MAP7: variants seen among roughly 807,000 people sequenced by gnomAD.
MAP7 encodes the protein ensconsin.
A neutral mutation model predicts 94.8 loss-of-function variants in MAP7; 52 were observed. The ratio of observed to expected loss-of-function variants is 0.55; its 90% CI spans 0.44 to 0.69. The LOEUF is 0.69. Ranked by LOEUF, MAP7 falls within the 30% of genes least tolerant of loss-of-function variation. The pLI, the probability that MAP7 is intolerant of heterozygous loss-of-function variation, is 0.00. For missense variants in MAP7, 940 were observed against 964.6 expected, an observed-to-expected ratio of 0.97 and a Z score of 0.34; for synonymous variants, 350 against 357.0, an observed-to-expected ratio of 0.98 and a Z score of 0.22.
At chr6:136,536,495 T>C (rs1828899836) in intron 1 of MAP7, among the ~76,000 whole-genome samples, 1 of 152,232 alleles carries the variant, frequency 6.6e-6, no homozygotes, top group African/African-American at 2.4e-5. Context: ...ACACCCCAAA[T>C]GACCATTTTG....
chr6:136,388,545 C>T, intron 4 of MAP7, 35 bp from the exon 5 acceptor site: 1 of 1,555,466 alleles, frequency 6.4e-7, no homozygotes, highest in Non-Finnish European at 8.9e-7. Flanking sequence ...GATTAGATTC[C>T]AGCTGGTTGT....
chr6:136,402,117 C>T lies in MAP7; in HGVS notation c.244+9503G>A, dbSNP rs894888133. ...CCTGGCAAACTTCTGTCTTTCAAGTCCTAGCTCAGAAGCTCCTTCCTCTGA... is the reference window on the plus strand; with the variant it reads ...CCTGGCAAACTTCTGTCTTTCAAGTTCTAGCTCAGAAGCTCCTTCCTCTGA... On this transcript the variant is annotated intron_variant, in intron 3 of 17. Coordinates refer to ENST00000354570, the MANE Select transcript of MAP7 (RefSeq NM_003980.6). Among the ~76,000 whole-genome samples, 5 of 152,166 alleles carry T rather than the reference C, an allele frequency of 3.3e-5. No homozygotes were observed. The East Asian group carries it at 7.7e-4, about 23-fold the overall frequency.
chr6:136,452,110 C>T (rs999386021), intron 1 of MAP7, among the ~76,000 whole-genome samples: 1 of 152,138 alleles, frequency 6.6e-6, no homozygotes, highest in African/African-American at 2.4e-5. Flanking sequence ...AGGAGAATCG[C>T]TTGAACCTGG....
chr6:136,379,450 C>T (rs2128627642), intron 6 of MAP7, among the ~76,000 whole-genome samples: 1 of 152,244 alleles, frequency 6.6e-6, no homozygotes, highest in Middle Eastern at 3.4e-3. Context: ...GCAATAGTTA[C>T]AATTAGAAAG....
At chr6:136,549,680 T>C (rs922050153) in intron 1 of MAP7, among the ~76,000 whole-genome samples, 4 of 152,168 alleles carry the variant, frequency 2.6e-5, no homozygotes, top group Admixed American at 2.6e-4. Context: ...CAAAAAACTC[T>C]GAGAACTCCG....
intron 7 of MAP7, among the ~76,000 whole-genome samples, chr6:136,374,024 C>T (rs908916188): frequency 7.9e-5 from 12 of 152,202 alleles, no homozygotes; most frequent in African/African-American, 4.8e-5. Context: ...TGCAGTGGCA[C>T]GATCTCATCT....
At chr6:136,518,866 TC>T (rs1262420509) in intron 1 of MAP7, among the ~76,000 whole-genome samples, 2 of 152,224 alleles carry the variant, frequency 1.3e-5, no homozygotes, top group Non-Finnish European at 2.9e-5. Flanking sequence ...TGTGTTTGGT[TC>T]CTATGATTGG....
At chr6:136,446,565 G>T (rs1411208538) in intron 1 of MAP7, among the ~76,000 whole-genome samples, 5 of 152,132 alleles carry the variant, frequency 3.3e-5, no homozygotes, top group African/African-American at 9.7e-5. Context: ...GGAGGTGCAG[G>T]GGGGCGCTGA....
At chr6:136,505,558 T>C (rs1330244769) in intron 1 of MAP7, among the ~76,000 whole-genome samples, 1 of 151,786 alleles carries the variant, frequency 6.6e-6, no homozygotes, top group East Asian at 1.9e-4. Context: ...CTGAGATTAT[T>C]TTCAAGTTAT....
intron 3 of MAP7, among the ~76,000 whole-genome samples, chr6:136,392,388 CT>C (rs11347286): frequency 0.74 from 75,697 of 102,592 alleles, 27,092 homozygotes; most frequent in Middle Eastern, 0.79. Context: ...CTGCATCTTG[CT>C]TTTTTTTTTT....
At chr6:136,438,281 C>A (rs927137007) in intron 1 of MAP7, among the ~76,000 whole-genome samples, 13 of 152,190 alleles carry the variant, frequency 8.5e-5, no homozygotes, top group African/African-American at 3.1e-4. Context: ...TTTCTATAGA[C>A]ACCTTGCAAA....
chr6:136,490,277 T>C (rs1331987022), intron 1 of MAP7, among the ~76,000 whole-genome samples: 1 of 152,224 alleles, frequency 6.6e-6, no homozygotes, highest in East Asian at 1.9e-4. Context: ...ATCTTAATAA[T>C]ATAATTTAGT....
At chr6:136,446,723 G>A (rs1799483858) in intron 1 of MAP7, among the ~76,000 whole-genome samples, 2 of 152,158 alleles carry the variant, frequency 1.3e-5, no homozygotes, top group Non-Finnish European at 2.9e-5. Context: ...GTAGTTGCAT[G>A]CCAGAAAATG....
chr6:136,510,575 C>T (rs1275776600), intron 1 of MAP7, among the ~76,000 whole-genome samples: 1 of 152,108 alleles, frequency 6.6e-6, no homozygotes, highest in Admixed American at 6.5e-5. Context: ...GGAGGATGAG[C>T]TCACACACGG....
At chr6:136,447,541 T>G (rs1799715474) in intron 1 of MAP7, among the ~76,000 whole-genome samples, 1 of 152,244 alleles carries the variant, frequency 6.6e-6, no homozygotes, top group Non-Finnish European at 1.5e-5. Flanking sequence ...TATCATAAAT[T>G]TTTTAAAAAC....
chr6:136,487,839 G>A (rs1815250540), intron 1 of MAP7, among the ~76,000 whole-genome samples: 2 of 152,168 alleles, frequency 1.3e-5, no homozygotes, highest in South Asian at 4.1e-4. Context: ...TGTTCCAGTT[G>A]TTAATGATGG....
At chr6:136,526,622 G>C (rs1462642539) in intron 1 of MAP7, 1 of 985,362 alleles carries the variant, frequency 1.0e-6, no homozygotes, top group Non-Finnish European at 1.2e-6. Context: ...GAGGCCGCTG[G>C]GCAGCTCCCT....
intron 1 of MAP7, among the ~76,000 whole-genome samples, chr6:136,511,443 T>C (rs1258425379): frequency 1.3e-5 from 2 of 152,048 alleles, no homozygotes; most frequent in African/African-American, 2.4e-5. Flanking sequence ...GAATGAAAGG[T>C]GTGCACCAGG....
At chr6:136,427,481 C>T (rs1016110639) in intron 1 of MAP7, among the ~76,000 whole-genome samples, 1 of 152,172 alleles carries the variant, frequency 6.6e-6, no homozygotes, top group African/African-American at 2.4e-5. Context: ...AAAAATAGTG[C>T]AGTCTCATTT....
Sources: allele counts gnomAD v4.1 joint callset (sites outside exome capture counted in the v4.1 genomes callset), GRCh38; gene constraint gnomAD v4.1.1; transcripts MANE v1.5; gene names NCBI Gene and HGNC (gene_info 2026-07-23, HGNC 2026-07-21).